Variants in CFAP251 observed in about 807,000 individuals in gnomAD.
CFAP251 encodes the protein cilia- and flagella-associated protein 251.
In CFAP251, 93 loss-of-function variants were observed where a neutral mutation model predicts 126.7. The ratio of observed to expected loss-of-function variants is 0.73; its 90% confidence interval spans 0.62 to 0.87. The LOEUF (loss-of-function observed/expected upper bound fraction) is 0.87, where lower values mean the gene tolerates loss of function less well. Among genes scored for constraint, CFAP251 ranks in the 40% least tolerant of loss-of-function variants. CFAP251 has a pLI of 0.00. For missense variants in CFAP251, 1,287 were observed against 1,389.2 expected (o/e 0.93, Z 1.17); for synonymous variants, 503 against 506.9 (o/e 0.99, Z 0.10).
At chr12:121,923,206 C>T (rs1039550561) in intron 2 of CFAP251, among the ~76,000 whole-genome samples, 5 of 151,376 alleles carry the variant, frequency 3.3e-5, no homozygotes, top group African/African-American at 1.2e-4. Flanking sequence ...GTCACCTAGG[C>T]TGGAGTACAG....
At chr12:121,958,144 A>G in intron 11 of CFAP251, 128 bp from the exon 12 acceptor site, 1 of 1,374,536 alleles carries the variant, frequency 7.3e-7, no homozygotes, top group Non-Finnish European at 9.9e-7. Flanking sequence ...ATTTTTGGAA[A>G]TGTTGGGTTA....
intron 11 of CFAP251, among the ~76,000 whole-genome samples, 163 bp downstream of exon 11, chr12:121,957,431 G>C (rs188608378): frequency 3.3e-5 from 5 of 152,182 alleles, no homozygotes; most frequent in African/African-American, 1.2e-4. Context: ...AAGGCCGGGC[G>C]TGGTGGCTCA....
At position 121,934,340 on chromosome 12, in the gene CFAP251, T is replaced by TG. The variant is rs1236192334; in HGVS notation, c.985dup (p.Asp329GlyfsTer13). 6.2e-7 allele frequency: 1 copy of TG among 1,613,728 alleles called. No individual in the cohort carries two copies. Among genetic ancestry groups the TG allele is most frequent in the African/African-American group, 1.3e-5 (1 of 74,950 alleles). ...AGGGCCAGACTGCCTGGTGATTATA[T>TG]GGGACTCCTTCACAGGGTAGGCTTT... On this transcript the variant is annotated frameshift_variant, in exon 5 of 22. Transcript: ENST00000288912. LOFTEE classifies it high-confidence loss of function.
chr12:121,960,133 CA>C (rs372446566), intron 13 of CFAP251, among the ~76,000 whole-genome samples: 1 of 150,928 alleles, frequency 6.6e-6, no homozygotes, highest in African/African-American at 2.4e-5. Context: ...ACTCTTGTCT[CA>C]AAAAAAACCC....
chr12:121,953,197 CTA>C (rs1198226820), intron 9 of CFAP251: 9 of 152,166 alleles, frequency 5.9e-5, no homozygotes, highest in African/African-American at 2.2e-4. Flanking sequence ...CACTTCAGCA[CTA>C]TGTTTCAGGG....
intron 15 of CFAP251, among the ~76,000 whole-genome samples, chr12:121,966,282 A>T (rs1156799491): frequency 1.8e-4 from 18 of 102,060 alleles, no homozygotes; most frequent in African/African-American, 6.9e-4. Flanking sequence ...CTTCCTTTCG[A>T]TGGAGTCTTG....
At chr12:121,969,240 A>T in intron 17 of CFAP251, 5 of 985,372 alleles carry the variant, frequency 5.1e-6, no homozygotes, top group Non-Finnish European at 6.0e-6. Flanking sequence ...ATGAGCAAAA[A>T]TAGCCGGTTA....
intron 19 of CFAP251, 66 bp from the exon 20 acceptor site, chr12:121,999,650 T>C (rs1251781438): frequency 7.5e-7 from 1 of 1,338,762 alleles, no homozygotes; most frequent in Non-Finnish European, 1.0e-6. Context: ...GTCCAATTTT[T>C]AGAAATCTAT....
intron 17 of CFAP251, chr12:121,969,566 G>A (rs1456030128): frequency 4.5e-6 from 4 of 881,768 alleles, no homozygotes; most frequent in East Asian, 1.2e-4. Context: ...GCTCACTGCA[G>A]CCTCGAACTC....
intron 1 of CFAP251, among the ~76,000 whole-genome samples, chr12:121,920,379 A>C (rs1592956608): frequency 7.1e-5 from 9 of 127,392 alleles, no homozygotes; most frequent in African/African-American, 1.2e-4. Flanking sequence ...AGGCACCACC[A>C]CCACACCAGG....
intron 7 of CFAP251, among the ~76,000 whole-genome samples, chr12:121,945,746 A>C (rs1321686431): frequency 5.9e-5 from 9 of 151,602 alleles, no homozygotes; most frequent in Admixed American, 2.0e-4. Context: ...GCTCACCGCA[A>C]GCTTTGCCTC....
intron 19 of CFAP251, 128 bp from the exon 20 acceptor site, chr12:121,999,588 G>C: frequency 1.5e-6 from 1 of 664,972 alleles, no homozygotes; most frequent in Non-Finnish European, 2.5e-6. Flanking sequence ...CTTTGGCCAC[G>C]GCCTCCCAAA....
intron 17 of CFAP251, among the ~76,000 whole-genome samples, chr12:121,971,250 G>A (rs1250897336): frequency 6.6e-6 from 1 of 152,216 alleles, no homozygotes; most frequent in Non-Finnish European, 1.5e-5. Context: ...TGCCTCCATG[G>A]CAAGTGCTGA....
chr12:121,942,781 G>C (rs1881175131), intron 6 of CFAP251, 114 bp from the exon 7 acceptor site: 1 of 1,311,878 alleles, frequency 7.6e-7, no homozygotes, highest in Non-Finnish European at 1.1e-6. Flanking sequence ...ACAGCACAGA[G>C]TCTGGGCCTC....
At chr12:121,964,682 C>T (rs1278374424) in intron 15 of CFAP251, among the ~76,000 whole-genome samples, 1 of 151,586 alleles carries the variant, frequency 6.6e-6, no homozygotes, top group Non-Finnish European at 1.5e-5. Flanking sequence ...GGTGGATCAC[C>T]TGAGGTCAGG....
rs576294344 is a variant in CFAP251 at position 121,929,266 on chromosome 12, A to G, written c.748-2480A>G. Among the ~76,000 whole-genome samples, 37 of 150,782 alleles carry G rather than the reference A, an allele frequency of 2.5e-4. No individual in the cohort carries two copies. In the South Asian group the frequency reaches 7.8e-3, roughly 32 times the overall value. On this transcript the variant is annotated intron_variant, in intron 3 of 21. Coordinates refer to ENST00000288912, the MANE Select transcript of CFAP251 (RefSeq NM_144668.6). ...AACCCAGGAGGTGGAGGCTGCAGTG[A>G]GCCGAGATCATGCCACTGCACTGCA...
Position 121,949,169 on chromosome 12 carries a change from G to A in CFAP251, c.1269+108G>A, listed in dbSNP as rs1257521108. The A allele has an allele frequency of 2.0e-5, 12 of 598,492 alleles. No individual in the cohort carries two copies. The East Asian group carries it at 3.8e-4, about 19-fold the overall frequency. 37.1% of individuals were successfully genotyped at this position (598,492 alleles called of 1,614,324 possible). ...ACAATATAGTATCTCTACTTAGGAAGCAATGAATATATATTAAAATGTTTT... is the reference window on the plus strand; with the variant it reads ...ACAATATAGTATCTCTACTTAGGAAACAATGAATATATATTAAAATGTTTT... On this transcript the variant is annotated intron_variant, in intron 8 of 21. Transcript: ENST00000288912.
At position 121,921,324 on chromosome 12, in the gene CFAP251, G is replaced by T. The variant is rs1202644420; in HGVS notation, c.19G>T (p.Ala7Ser). The T allele has an allele frequency of 2.5e-6, 4 of 1,595,058 alleles. No individual in the cohort carries two copies. In the East Asian group the frequency reaches 6.7e-5, roughly 27 times the overall value. The change falls in exon 2 of 22, where the codon GCT becomes TCT. Residue 7 changes from alanine to serine, a missense_variant. Coordinates refer to ENST00000288912, the MANE Select transcript of CFAP251 (RefSeq NM_144668.6). Reference protein sequence around the residue: MSDAAEAPREATGENGE... With the variant: MSDAAESPREATGENGE... The stretch of plus-strand genomic sequence containing the variant: ...GAGAAGAATGTCAGATGCAGCAGAA[G>T]CTCCCCGAGAAGCAACAGGAGAAAA...
chr12:121,981,596 G>T (rs1486302458), intron 19 of CFAP251, among the ~76,000 whole-genome samples: 3 of 152,190 alleles, frequency 2.0e-5, no homozygotes, highest in Non-Finnish European at 2.9e-5. Context: ...TCAAACCCAG[G>T]TGCCCCTTCC....
Sources: allele counts gnomAD v4.1 joint callset (sites outside exome capture counted in the v4.1 genomes callset), GRCh38; gene constraint gnomAD v4.1.1; transcripts MANE v1.5; gene names NCBI Gene and HGNC (gene_info 2026-07-23, HGNC 2026-07-21).